The following TSC2 variants were observed in gnomAD, a reference collection of about 807,000 sequenced individuals.
TSC2 encodes TSC complex subunit 2, also known as tuberin.
In TSC2, 29 loss-of-function variants were observed where a neutral mutation model predicts 202.2. The ratio of observed to expected loss-of-function variants is 0.14; its 90% CI spans 0.11 to 0.20. The LOEUF (loss-of-function observed/expected upper bound fraction) is 0.20, where lower values mean the gene tolerates loss of function less well. Ranked by LOEUF, TSC2 falls within the 10% of genes least tolerant of loss-of-function variation. The pLI is 1.00. For synonymous variants in TSC2, 1,349 were observed against 1,044.0 expected (o/e 1.29, Z -5.63); for missense variants, 2,429 against 2,420.0 (o/e 1.00, Z -0.08).
chr16:2,056,562 A>T (rs2151075333), intron 7 of TSC2, 82 bp from the exon 8 acceptor site: 1 of 1,570,736 alleles, frequency 6.4e-7, no homozygotes. Flanking sequence ...AGGCTGAAGG[A>T]GGTGGGAAGG....
Position 2,081,589 on chromosome 16 carries a change from C to CCCTG in TSC2, c.3611-5_3611-4insCTGC, listed in dbSNP as rs1567509750. On this transcript the variant is annotated splice_region_variant and splice_polypyrimidine_tract_variant and intron_variant, in intron 30 of 41. Coordinates refer to ENST00000219476, the MANE Select transcript of TSC2 (RefSeq NM_000548.5). ...CCTCAGGCCAAAGGTGCTGCCGCCTCCGCAGGGAACACCAGCTGGCTGATG... is the reference window on the plus strand; with the variant it reads ...CCTCAGGCCAAAGGTGCTGCCGCCTCCCTGCGCAGGGAACACCAGCTGGCTGATG... 2 of 1,612,888 alleles carry CCCTG rather than the reference C, an allele frequency of 1.2e-6. No individual in the cohort carries two copies. Among genetic ancestry groups the CCCTG allele is most frequent in the Non-Finnish European group, 1.7e-6 (2 of 1,179,992 alleles).
At chr16:2,083,957 C>T (rs755894781) in intron 33 of TSC2, 141 bp downstream of exon 33, 205 of 1,418,966 alleles carry the variant, frequency 1.4e-4, no homozygotes, top group Non-Finnish European at 1.8e-4. Flanking sequence ...CGTGCACAGA[C>T]GGTCTGCACT....
chr16:2,080,052 T>C lies in TSC2; in HGVS notation c.3398-113T>C. The C allele has an allele frequency of 2.8e-6, 4 of 1,426,550 alleles. No homozygotes were observed. The South Asian group carries it at 3.6e-5, about 13-fold the overall frequency. 88.4% of individuals were successfully genotyped at this position (1,426,550 alleles called of 1,614,324 possible). On this transcript the variant is annotated intron_variant, in intron 29 of 41. Transcript: ENST00000219476. ...TGCCCCAAGGGCAGAGCTGCCACCG[T>C]CTCTGGCTGCCTGTGGCACTAGCTT... is the stretch of plus-strand genomic sequence containing the variant.
At chr16:2,071,028 G>A (rs774456846) in intron 17 of TSC2, among the ~76,000 whole-genome samples, 5 of 152,126 alleles carry the variant, frequency 3.3e-5, no homozygotes, top group African/African-American at 4.8e-5. Context: ...GAGGAGTTTC[G>A]CTGAGTTTGC....
rs796053497 is a variant in TSC2, at chr16:2,082,496, C to T, written c.3875C>T (p.Ser1292Phe). 38 of 1,611,764 alleles carry T rather than the reference C, an allele frequency of 2.4e-5. No individual in the cohort carries two copies. The highest frequency in any genetic ancestry group is 3.2e-5 in the Non-Finnish European group (38 of 1,180,000). ...CAAGGACAGCTGCACAGGAGCGTTT[C>T]CTGGGCAGGTATCGCCTCTCAGAGG... is the stretch of plus-strand genomic sequence containing the variant. ...SCQGQLHRSVSWADSAVVMEE... is the reference protein window; with the variant it reads ...SCQGQLHRSVFWADSAVVMEE... Residue 1292 changes from serine to phenylalanine, a missense_variant, in exon 32 of 42, where the codon TCC (serine) becomes TTC (phenylalanine). Ser to Phe is a radical substitution (Grantham distance 155, BLOSUM62 -2). Transcript: ENST00000219476.
intron 22 of TSC2, among the ~76,000 whole-genome samples, chr16:2,075,432 C>G (rs981770647): frequency 6.9e-6 from 1 of 144,052 alleles, no homozygotes; most frequent in African/African-American, 2.6e-5. Flanking sequence ...GAGGCTGAGG[C>G]AGGAGAATGG....
rs565576095 is a variant in TSC2 at position 2,086,252 on chromosome 16, C to G, written c.4722C>G (p.Phe1574Leu). 3 of 1,612,738 alleles carry G rather than the reference C, an allele frequency of 1.9e-6. No homozygotes were observed. The highest frequency in any genetic ancestry group is 4.5e-5 in the East Asian group (2 of 44,846). Residue 1574 changes from phenylalanine to leucine, a missense_variant, in exon 37 of 42, where the codon TTC becomes TTG. Coordinates refer to ENST00000219476, the MANE Select transcript of TSC2 (RefSeq NM_000548.5). ...ATGGCTCCTACAGGTACACGGAGTT[C>G]CTGACGGGCCTGGGCCGGCTCATCG... is the stretch of plus-strand genomic sequence containing the variant. ...NEHGSYRYTE[F>L]LTGLGRLIEL...
At chr16:2,062,059 G>T in intron 12 of TSC2, 51 bp downstream of exon 12, 1 of 1,611,506 alleles carries the variant, frequency 6.2e-7, no homozygotes, top group African/African-American at 1.3e-5. Flanking sequence ...GTGGGGAGGG[G>T]CCGGGTGCTG....
At position 2,080,147 on chromosome 16, in the gene TSC2, C is replaced by T. The variant is rs772159760; in HGVS notation, c.3398-18C>T. Reference sequence around the variant, plus strand: ...ATCAGGTAAGTGGTGGTCACCAGTCCTCTGCCCTCTTCTTCAGGGGGCCAT... The same window carrying T: ...ATCAGGTAAGTGGTGGTCACCAGTCTTCTGCCCTCTTCTTCAGGGGGCCAT... On this transcript the variant is annotated intron_variant, in intron 29 of 41. Coordinates refer to ENST00000219476, the MANE Select transcript of TSC2 (RefSeq NM_000548.5). 1.2e-6 allele frequency: 2 copies of T among 1,612,716 alleles called. No individual in the cohort carries two copies. Among genetic ancestry groups the T allele is most frequent in the African/African-American group, 1.3e-5 (1 of 74,948 alleles).
chr16:2,060,340 T>A (rs2086474533), intron 10 of TSC2, among the ~76,000 whole-genome samples: 1 of 152,138 alleles, frequency 6.6e-6, no homozygotes, highest in South Asian at 2.1e-4. Context: ...GGGGATGTTG[T>A]CTTTGTGCAC....
intron 4 of TSC2, 199 bp from the exon 5 acceptor site, chr16:2,054,097 C>T (rs537028922): frequency 2.8e-5 from 21 of 763,302 alleles, no homozygotes; most frequent in South Asian, 1.2e-4. Context: ...CCCCATACGC[C>T]GCTCTGCGGT....
At chr16:2,051,387 A>G (rs535009373) in intron 3 of TSC2, among the ~76,000 whole-genome samples, 1 of 152,070 alleles carries the variant, frequency 6.6e-6, no homozygotes, top group South Asian at 2.1e-4. Flanking sequence ...CTCTCCTGTT[A>G]CAAGTTCAGG....
chr16:2,057,217 G>A (rs45453000), intron 9 of TSC2, 39 bp downstream of exon 9: 2 of 1,549,736 alleles, frequency 1.3e-6, no homozygotes, highest in Admixed American at 3.9e-5. Flanking sequence ...GTGGAGGCCA[G>A]CACAGCCCTC....
At chr16:2,074,818 C>T (rs1266961861) in intron 22 of TSC2, 1 of 298,316 alleles carries the variant, frequency 3.4e-6, no homozygotes, top group Non-Finnish European at 6.6e-6. Context: ...AAGGGCACTG[C>T]TGGGCCCGCA....
At position 2,076,480 on chromosome 16, in the gene TSC2, C is replaced by T. The variant is rs137854426; in HGVS notation, c.2743-11C>T. On this transcript the variant is annotated splice_polypyrimidine_tract_variant and intron_variant, in intron 24 of 41. Coordinates refer to ENST00000219476, the MANE Select transcript of TSC2 (RefSeq NM_000548.5). ...CCACCCCTCACTGTCTGGGTGTGCT[C>T]ACTCTGCCAGGGCCTGCGGTCCAAT... 4 of 1,613,212 alleles carry T rather than the reference C, an allele frequency of 2.5e-6. No individual in the cohort carries two copies. The East Asian group carries it at 6.7e-5, about 27-fold the overall frequency.
chr16:2,078,971 G>T, intron 26 of TSC2, 61 bp from the exon 27 acceptor site: 1 of 1,606,428 alleles, frequency 6.2e-7, no homozygotes. Context: ...GGCCCTTGGT[G>T]ATAGGTGGCT....
rs1271709209 is a variant in TSC2, at chr16:2,089,432, G to A, written c.*822G>A. 2.0e-6 allele frequency: 1 copy of A among 489,184 alleles called. No homozygotes were observed. Among genetic ancestry groups the A allele is most frequent in the Non-Finnish European group, 3.7e-6 (1 of 270,078 alleles). 30.3% of individuals were successfully genotyped at this position (489,184 alleles called of 1,614,324 possible). On this transcript the variant is annotated 3_prime_UTR_variant, in exon 42 of 42. Transcript: ENST00000219476. ...GACATCTGCCCAGGGGGTGGGGCCGGGCACAGCCCGCTGTACCTGAGGACT... is the reference window on the plus strand; with the variant it reads ...GACATCTGCCCAGGGGGTGGGGCCGAGCACAGCCCGCTGTACCTGAGGACT...
chr16:2,079,829 A>G lies in TSC2; in HGVS notation c.3397+160A>G, dbSNP rs2089906648. On this transcript the variant is annotated intron_variant, in intron 29 of 41. Coordinates refer to ENST00000219476, the MANE Select transcript of TSC2 (RefSeq NM_000548.5). This position sits in a 1 kb window ranked among gnomAD's most constrained non-coding sequence, Gnocchi z 4.6. ...GGGTGAGCCTTCCACAGCTCACCCCAGAGCCGTGGAGTGGTGGAGTGTGGC... is the reference window on the plus strand; with the variant it reads ...GGGTGAGCCTTCCACAGCTCACCCCGGAGCCGTGGAGTGGTGGAGTGTGGC... 6.6e-6 allele frequency among the ~76,000 whole-genome samples: 1 copy of G among 152,158 alleles called. No homozygotes were observed. The highest frequency in any genetic ancestry group is 2.1e-4 in the South Asian group (1 of 4,828).
chr16:2,088,354 G>A (rs762387054), intron 41 of TSC2, 29 bp downstream of exon 41: 1 of 1,612,332 alleles, frequency 6.2e-7, no homozygotes, highest in Admixed American at 1.7e-5. Flanking sequence ...CCTCAGCGGG[G>A]TGTGCTGGCT....
Sources: allele counts gnomAD v4.1 joint callset (sites outside exome capture counted in the v4.1 genomes callset), GRCh38; gene constraint gnomAD v4.1.1; non-coding constraint Gnocchi (gnomAD v3.1); transcripts MANE v1.5; gene names NCBI Gene and HGNC (gene_info 2026-07-23, HGNC 2026-07-21).